GABBR2: variants seen among roughly 807,000 people sequenced by gnomAD.
GABBR2 encodes the protein gamma-aminobutyric acid type B receptor subunit 2, also known as G-protein coupled receptor 51.
In GABBR2, 23 loss-of-function variants were observed where a neutral mutation model predicts 105.6. The observed-to-expected ratio is 0.22, with a 90% CI of 0.16 to 0.31. GABBR2 has a LOEUF of 0.31. Ranked by LOEUF, GABBR2 falls within the 10% of genes least tolerant of loss-of-function variation. The pLI, the probability that GABBR2 is intolerant of heterozygous loss-of-function variation, is 1.00. For synonymous variants in GABBR2, 478 were observed against 499.7 expected, an observed-to-expected ratio of 0.96 and a Z score of 0.58; for missense variants, 734 against 1,245.5, an observed-to-expected ratio of 0.59 and a Z score of 6.18.
intron 2 of GABBR2, among the ~76,000 whole-genome samples, chr9:98,572,439 A>G (rs914682648): frequency 6.6e-6 from 1 of 152,254 alleles, no homozygotes; most frequent in African/African-American, 2.4e-5. Context: ...AAGGGCCGCC[A>G]GAGCTCCTTT....
intron 11 of GABBR2, among the ~76,000 whole-genome samples, chr9:98,385,430 T>C (rs180948529): frequency 2.0e-5 from 3 of 152,214 alleles, no homozygotes; most frequent in Admixed American, 2.0e-4. Flanking sequence ...TGGAAGTCCA[T>C]TATCTTAACT....
Position 98,708,789 on chromosome 9 carries a change from C to G in GABBR2, c.-52G>C. 3.1e-6 allele frequency: 3 copies of G among 967,352 alleles called. No homozygotes were observed. The highest frequency in any genetic ancestry group is 5.3e-4 in the Middle Eastern group (1 of 1,890). 59.9% of individuals were successfully genotyped at this position (967,352 alleles called of 1,614,324 possible). A position where few individuals can be genotyped will look rare whatever the true frequency, so the allele number is the denominator to read the frequency against. On this transcript the variant is annotated 5_prime_UTR_variant, in exon 1 of 19. Coordinates refer to ENST00000259455, the MANE Select transcript of GABBR2 (RefSeq NM_005458.8). ...CTCACTCGGCCCGCATGGCCTGGCC[C>G]GGCCCGCCGCCCCGCGCCAAGGTCT... is the stretch of plus-strand genomic sequence containing the variant.
chr9:98,572,493 GT>G (rs1828846230), intron 2 of GABBR2, among the ~76,000 whole-genome samples: 1 of 152,174 alleles, frequency 6.6e-6, no homozygotes, highest in African/African-American at 2.4e-5. Context: ...GTGAAGCTCT[GT>G]TTTGAAGCCC....
intron 2 of GABBR2, among the ~76,000 whole-genome samples, chr9:98,562,754 G>C (rs1356639027): frequency 2.0e-5 from 3 of 152,082 alleles, no homozygotes; most frequent in Non-Finnish European, 4.4e-5. Context: ...GGAGAATTTT[G>C]GGGGAAAGGT....
Position 98,293,777 on chromosome 9 carries a change from G to T in GABBR2, c.2660+8C>A, listed in dbSNP as rs764167824. On this transcript the variant is annotated splice_region_variant and intron_variant, in intron 18 of 18. Transcript: ENST00000259455. Reference sequence around the variant, plus strand: ...TTCAGTTATAATTCTCAAGGAGAAGGTACTTACTGTTCTGGAGAGTTTATA... The same window carrying T: ...TTCAGTTATAATTCTCAAGGAGAAGTTACTTACTGTTCTGGAGAGTTTATA... 37 of 1,373,220 alleles carry T rather than the reference G, an allele frequency of 2.7e-5. No homozygotes were observed. In the South Asian group the frequency reaches 3.2e-4, roughly 12 times the overall value. The allele number at this position is 1,373,220 out of a possible 1,614,324, so 85.1% of individuals were successfully genotyped here. A position where few individuals can be genotyped will look rare whatever the true frequency, so the allele number is the denominator to read the frequency against.
chr9:98,496,266 T>G (rs1306152509), intron 4 of GABBR2, 147 bp downstream of exon 4: 1 of 637,868 alleles, frequency 1.6e-6, no homozygotes, highest in East Asian at 2.7e-5. Context: ...GGAAGCCAAT[T>G]CCTGGGAGCT....
chr9:98,436,444 A>C (rs930183025), intron 7 of GABBR2, among the ~76,000 whole-genome samples: 1 of 124,116 alleles, frequency 8.1e-6, no homozygotes. Context: ...CAGATCCTTC[A>C]ATCATCCACA....
intron 11 of GABBR2, among the ~76,000 whole-genome samples, chr9:98,380,726 T>A (rs946848456): frequency 3.9e-5 from 6 of 152,064 alleles, no homozygotes; most frequent in Non-Finnish European, 8.8e-5. Flanking sequence ...GAGTGGGGGA[T>A]GGGAACTAAG....
chr9:98,518,624 TA>T (rs1381855673), intron 3 of GABBR2, among the ~76,000 whole-genome samples: 1 of 152,032 alleles, frequency 6.6e-6, no homozygotes, highest in Non-Finnish European at 1.5e-5. Flanking sequence ...TGCTCTGGAG[TA>T]ACTGGGACGA....
intron 1 of GABBR2, among the ~76,000 whole-genome samples, chr9:98,666,701 A>C (rs1830339095): frequency 1.3e-5 from 2 of 152,166 alleles, no homozygotes; most frequent in South Asian, 4.1e-4. Flanking sequence ...GTAGTTACTC[A>C]TGGCTGGTAG....
intron 3 of GABBR2, among the ~76,000 whole-genome samples, chr9:98,524,576 C>G (rs1827924952): frequency 6.6e-6 from 1 of 152,198 alleles, no homozygotes; most frequent in Non-Finnish European, 1.5e-5. Context: ...CACTCTCCCT[C>G]AAGTTGAGAA....
At chr9:98,613,659 TCTGCAGGGAAGTAA>T (rs1215647976) in intron 1 of GABBR2, among the ~76,000 whole-genome samples, 1 of 152,316 alleles carries the variant, frequency 6.6e-6, no homozygotes, top group East Asian at 1.9e-4. Flanking sequence ...AAAGACAAAT[TCTGCAGGGAAGTAA>T]CTGCATGCCT....
Position 98,385,537 on chromosome 9 carries a change from A to G in GABBR2, c.1662+103T>C, listed in dbSNP as rs976746310. Reference sequence around the variant, plus strand: ...TAAATGGGTTGTTCCCTGCCTGTTCATGTATTTTCATGTATTTCTGGGTTT... The same window carrying G: ...TAAATGGGTTGTTCCCTGCCTGTTCGTGTATTTTCATGTATTTCTGGGTTT... On this transcript the variant is annotated intron_variant, in intron 11 of 18. Coordinates refer to ENST00000259455, the MANE Select transcript of GABBR2 (RefSeq NM_005458.8). 1.9e-5 allele frequency: 17 copies of G among 900,892 alleles called. No homozygotes were observed. In the African/African-American group the frequency reaches 2.5e-4, roughly 13 times the overall value. 55.8% of individuals were successfully genotyped at this position (900,892 alleles called of 1,614,324 possible). A position where few individuals can be genotyped will look rare whatever the true frequency, so the allele number is the denominator to read the frequency against.
intron 7 of GABBR2, among the ~76,000 whole-genome samples, chr9:98,415,960 G>C (rs369047661): frequency 1.3e-5 from 2 of 152,312 alleles, no homozygotes; most frequent in African/African-American, 4.8e-5. Context: ...TAGAGGGATG[G>C]TGTGTGGGTG....
chr9:98,466,656 A>G (rs1826563808), intron 6 of GABBR2, among the ~76,000 whole-genome samples: 1 of 152,236 alleles, frequency 6.6e-6, no homozygotes, highest in Admixed American at 6.5e-5. Context: ...AATCCTTACA[A>G]ATCTGTGAGA....
At chr9:98,598,100 G>A (rs1051255246) in intron 1 of GABBR2, among the ~76,000 whole-genome samples, 1 of 152,194 alleles carries the variant, frequency 6.6e-6, no homozygotes, top group African/African-American at 2.4e-5. Flanking sequence ...TAGGATTACA[G>A]GTGTGAGCCA....
At position 98,406,092 on chromosome 9, in the gene GABBR2, G is replaced by A; in HGVS notation, c.1286C>T (p.Thr429Ile). The change falls in exon 8 of 19, where the codon ACT (threonine) becomes ATT (isoleucine). Residue 429 changes from threonine to isoleucine, a missense_variant. Around this residue, in one of 7 missense-constraint regions of GABBR2, gnomAD observed 370 missense variants for 648.9 expected, o/e 0.57. Coordinates refer to ENST00000259455, the MANE Select transcript of GABBR2 (RefSeq NM_005458.8). ...NGERMGTIKF[T>I]QFQDSREVKV... is the part of the protein sequence containing the mutation. ...ATCAAAATGCCTACCTTGAAATTGA[G>A]TAAATTTAATGGTCCCCATTCTCTC... is the stretch of plus-strand genomic sequence containing the variant. 1.3e-6 allele frequency: 2 copies of A among 1,564,444 alleles called. No homozygotes were observed. Among genetic ancestry groups the A allele is most frequent in the South Asian group, 1.1e-5 (1 of 87,560 alleles).
At chr9:98,523,303 A>G (rs1478307710) in intron 3 of GABBR2, among the ~76,000 whole-genome samples, 1 of 152,256 alleles carries the variant, frequency 6.6e-6, no homozygotes, top group Non-Finnish European at 1.5e-5. Flanking sequence ...TAAGAATCCA[A>G]GAGCTGGTCC....
chr9:98,340,983 C>G lies in GABBR2; in HGVS notation c.1893+21732G>C, dbSNP rs560390666. On this transcript the variant is annotated intron_variant, in intron 13 of 18. Transcript: ENST00000259455. ...ACACTTGAGAATTTCTAGCAAACAG[C>G]TCATGCCCTGAAGAGTTCCTGGACA... Among the ~76,000 whole-genome samples, 5 of 152,380 alleles carry G rather than the reference C, an allele frequency of 3.3e-5. No homozygotes were observed. The South Asian group carries it at 1.0e-3, about 32-fold the overall frequency.
Sources: gnomAD v4.1 joint callset for allele counts (sites outside exome capture counted in the v4.1 genomes callset) on GRCh38, gnomAD v4.1.1 for gene constraint, gnomAD v4.1.1 regional missense constraint, MANE v1.5 for transcripts, NCBI Gene and HGNC (gene_info 2026-07-23, HGNC 2026-07-21) for gene names.